The following LOC400499 variants were observed in gnomAD, a reference collection of about 807,000 sequenced individuals.
chr16:11,407,176 G>A, the LOC400499 span: 299 of 398,864 alleles, frequency 7.5e-4, no homozygotes, highest in African/African-American at 5.1e-3. Context: ...AGCGTGCTCC[G>A]GCCCTGGGCT....
the LOC400499 span, chr16:11,424,151 G>C: frequency 1.0e-5 from 4 of 399,430 alleles, no homozygotes; most frequent in Non-Finnish European, 1.8e-5. Flanking sequence ...GGAGGCCCCA[G>C]TGCTTGAGGC....
the LOC400499 span, among the ~76,000 whole-genome samples, chr16:11,376,941 C>CTT: frequency 0.35 from 50,693 of 142,860 alleles, 9,352 homozygotes; most frequent in Middle Eastern, 0.42. Flanking sequence ...TGTAAATGGA[C>CTT]TTTTTTTTTT....
chr16:11,457,741 A>G, the LOC400499 span, among the ~76,000 whole-genome samples: 49 of 152,334 alleles, frequency 3.2e-4, no homozygotes, highest in African/African-American at 1.1e-3. Context: ...ATTTATTCAC[A>G]ATAGCCAAAA....
At chr16:11,418,776 A>C in the LOC400499 span, among the ~76,000 whole-genome samples, 1 of 152,236 alleles carries the variant, frequency 6.6e-6, no homozygotes, top group East Asian at 1.9e-4. Context: ...CACAGAGGCT[A>C]AGACATTTAC....
At chr16:11,469,087 A>G in the LOC400499 span, 1 of 398,726 alleles carries the variant, frequency 2.5e-6, no homozygotes, top group East Asian at 3.6e-5. Context: ...GGTGGTGGCA[A>G]TAGTTAACAG....
At chr16:11,395,031 C>T in the LOC400499 span, among the ~76,000 whole-genome samples, 10 of 152,354 alleles carry the variant, frequency 6.6e-5, no homozygotes, top group African/African-American at 1.9e-4. Context: ...GGTAATAGGG[C>T]TACAGCCCAG....
chr16:11,472,029 A>C, the LOC400499 span: 1 of 388,832 alleles, frequency 2.6e-6, no homozygotes, highest in East Asian at 3.7e-5. Context: ...AGATCATCTT[A>C]TTTGGGGGCT....
At chr16:11,514,601 T>C in the LOC400499 span, 490 of 399,630 alleles carry the variant, frequency 1.2e-3, 8 homozygotes, top group Admixed American at 0.018. Flanking sequence ...AGGACCCAGC[T>C]GGGACCAAGG....
the LOC400499 span, chr16:11,398,571 G>A: frequency 5.9e-6 from 7 of 1,190,826 alleles, no homozygotes; most frequent in South Asian, 2.1e-4. Context: ...ATGGCCAGCT[G>A]CAGTTGGAGA....
the LOC400499 span, among the ~76,000 whole-genome samples, chr16:11,428,680 C>T: frequency 1.3e-5 from 2 of 152,138 alleles, no homozygotes; most frequent in East Asian, 1.9e-4. Flanking sequence ...TTGTGGCGAC[C>T]TCCTATCTCT....
chr16:11,385,202 C>T, the LOC400499 span: 3 of 1,232,120 alleles, frequency 2.4e-6, no homozygotes, highest in Non-Finnish European at 3.0e-6. Context: ...CCATGCCTCT[C>T]CTGCTCACCT....
At chr16:11,496,127 C>T in the LOC400499 span, among the ~76,000 whole-genome samples, 4 of 151,294 alleles carry the variant, frequency 2.6e-5, no homozygotes, top group South Asian at 2.1e-4. Flanking sequence ...AGTCCAGTGG[C>T]ACAATCTCAG....
At chr16:11,492,905 T>C in the LOC400499 span, among the ~76,000 whole-genome samples, 6 of 152,202 alleles carry the variant, frequency 3.9e-5, no homozygotes, top group Admixed American at 3.9e-4. Context: ...AAGGGAGACC[T>C]CACAGTGAAA....
chr16:11,456,957 C>T, the LOC400499 span: 3 of 1,536,248 alleles, frequency 2.0e-6, no homozygotes, highest in African/African-American at 1.4e-5. Context: ...GTGACTGCTG[C>T]TCTCCACATA....
At chr16:11,420,652 C>T in the LOC400499 span, among the ~76,000 whole-genome samples, 1 of 146,802 alleles carries the variant, frequency 6.8e-6, no homozygotes, top group African/African-American at 2.5e-5. Flanking sequence ...ACCACCTCTA[C>T]CACAATTTCG....
the LOC400499 span, among the ~76,000 whole-genome samples, chr16:11,444,265 G>C: frequency 6.6e-6 from 1 of 152,146 alleles, no homozygotes; most frequent in Non-Finnish European, 1.5e-5. Context: ...GGGTGTGGTG[G>C]TGCACACTTG....
the LOC400499 span, chr16:11,385,333 G>A: frequency 8.1e-7 from 1 of 1,232,300 alleles, no homozygotes; most frequent in Non-Finnish European, 1.0e-6. Context: ...TGGGCCAGGA[G>A]GATGCTGCCG....
chr16:11,479,476 A>G, the LOC400499 span, among the ~76,000 whole-genome samples: 2,628 of 136,366 alleles, frequency 0.019, 72 homozygotes, highest in African/African-American at 0.071. Flanking sequence ...AAAAAAAAAA[A>G]GCCGGGTATG....
the LOC400499 span, among the ~76,000 whole-genome samples, chr16:11,466,544 A>G: frequency 6.6e-6 from 1 of 152,064 alleles, no homozygotes; most frequent in South Asian, 2.1e-4. Flanking sequence ...GCCTGCCACC[A>G]TACCCGGCTA....
Sources: allele counts gnomAD v4.1 joint callset (sites outside exome capture counted in the v4.1 genomes callset), GRCh38; gene constraint gnomAD v4.1.1; transcripts MANE v1.5.